The following ZDHHC12 variants were observed in gnomAD, a reference collection of about 807,000 sequenced individuals.
ZDHHC12 encodes zDHHC palmitoyltransferase 12, also known as palmitoyltransferase ZDHHC12.
A neutral mutation model predicts 33.2 loss-of-function variants in ZDHHC12; 26 were observed. That is an observed-to-expected ratio of 0.78 (90% confidence interval 0.57 to 1.09). The LOEUF is 1.09. Among genes scored for constraint, ZDHHC12 ranks in the 50% least tolerant of loss-of-function variants. The pLI is 0.00. For missense variants in ZDHHC12, 350 were observed against 353.0 expected (o/e 0.99, Z 0.07); for synonymous variants, 154 against 152.1 (o/e 1.01, Z -0.09).
chr9:128,721,139 G>A lies in ZDHHC12; in HGVS notation c.*42C>T, dbSNP rs761060755. ...CTCACCCCAGCTGGGGACAGGCCCC[G>A]TGGTTTTCAGGCACAAGACGGTAGC... On this transcript the variant is annotated 3_prime_UTR_variant, in exon 5 of 5. Coordinates refer to ENST00000372663, the MANE Select transcript of ZDHHC12 (RefSeq NM_032799.5). This position sits in a 1 kb window ranked among gnomAD's most constrained non-coding sequence, Gnocchi z 6.9. The A allele has an allele frequency of 5.2e-5, 77 of 1,493,712 alleles. No homozygotes were observed. The highest frequency in any genetic ancestry group is 6.1e-5 in the Non-Finnish European group (69 of 1,125,848). 92.5% of individuals were successfully genotyped at this position (1,493,712 alleles called of 1,614,324 possible). A position where few individuals can be genotyped will look rare whatever the true frequency, so the allele number is the denominator to read the frequency against.
In ZDHHC12 at chr9:128,723,757, G is replaced by A; in HGVS notation, c.100+237C>T. 1 of 640,600 alleles carries A rather than the reference G, an allele frequency of 1.6e-6. No individual in the cohort carries two copies. Among genetic ancestry groups the A allele is most frequent in the South Asian group, 2.3e-5 (1 of 44,218 alleles). 39.7% of individuals were successfully genotyped at this position (640,600 alleles called of 1,614,324 possible). A position where few individuals can be genotyped will look rare whatever the true frequency, so the allele number is the denominator to read the frequency against. ...GTGGGCACCGGCTGGGTCCTGGGAT[G>A]GACAGGGCATTTGGCAATGATCAGG... On this transcript the variant is annotated intron_variant, in intron 1 of 4. Transcript: ENST00000372663. The surrounding 1 kb of genome is among the most constrained non-coding windows in gnomAD (Gnocchi z 4.4).
Position 128,722,324 on chromosome 9 carries a change from G to T in ZDHHC12, c.237+114C>A. On this transcript the variant is annotated intron_variant, in intron 2 of 4. Transcript: ENST00000372663. This position sits in a 1 kb window ranked among gnomAD's most constrained non-coding sequence, Gnocchi z 4.2. ...CACTACTGTAGATGGGGCTCTAGGG[G>T]TGGCAAGAGGAGTCACTGAACTGCT... The T allele has an allele frequency of 7.6e-7, 1 of 1,314,826 alleles. No homozygotes were observed. The highest frequency in any genetic ancestry group is 1.0e-6 in the Non-Finnish European group (1 of 975,312). 81.4% of individuals were successfully genotyped at this position (1,314,826 alleles called of 1,614,324 possible).
In ZDHHC12 at chr9:128,723,994, C is replaced by T. The variant is rs1268260860; in HGVS notation, c.100G>A (p.Glu34Lys). 6.8e-6 allele frequency: 11 copies of T among 1,611,658 alleles called. No individual in the cohort carries two copies. Among genetic ancestry groups the T allele is most frequent in the Non-Finnish European group, 9.3e-6 (11 of 1,178,930 alleles). The change falls in exon 1 of 5, where the codon GAG becomes AAG. Residue 34 changes from glutamate to lysine, a missense_variant and splice_region_variant. By Grantham distance (56) the Glu-to-Lys change is moderately conservative (BLOSUM62 1). Transcript: ENST00000372663. The surrounding 1 kb of genome is among the most constrained non-coding windows in gnomAD (Gnocchi z 4.4). ...ITLVLFLHDT[E>K]LRQWEEQGEL... ...CGGGGTCGCTCGGGGTCCGGCTCAC[C>T]GGTATCGTGCAGGAAGAGCACCAGC...
At position 128,720,911 on chromosome 9, in the gene ZDHHC12, A is replaced by G; in HGVS notation, c.*270T>C. 1 of 553,998 alleles carries G rather than the reference A, an allele frequency of 1.8e-6. No individual in the cohort carries two copies. Among genetic ancestry groups the G allele is most frequent in the Non-Finnish European group, 3.2e-6 (1 of 315,660 alleles). The allele number at this position is 553,998 out of a possible 1,614,324, so 34.3% of individuals were successfully genotyped here. ...GGACTTGCTTTATATTAAATTTGTA[A>G]AAGTGTGCACTGGCAGCAGCCTGGG... On this transcript the variant is annotated 3_prime_UTR_variant, in exon 5 of 5. Coordinates refer to ENST00000372663, the MANE Select transcript of ZDHHC12 (RefSeq NM_032799.5). The surrounding 1 kb of genome is among the most constrained non-coding windows in gnomAD (Gnocchi z 5.5).
In ZDHHC12 at chr9:128,722,235, C is replaced by A. The variant is rs1862585563; in HGVS notation, c.238-149G>T. ...GAGGTGTGGGGTATGGCGGAGCACCCTGGACTGAGGGCGGCTGTGTATGTT... is the reference window on the plus strand; with the variant it reads ...GAGGTGTGGGGTATGGCGGAGCACCATGGACTGAGGGCGGCTGTGTATGTT... On this transcript the variant is annotated intron_variant, in intron 2 of 4. Coordinates refer to ENST00000372663, the MANE Select transcript of ZDHHC12 (RefSeq NM_032799.5). The surrounding 1 kb of genome is among the most constrained non-coding windows in gnomAD (Gnocchi z 4.2). 6.1e-6 allele frequency: 7 copies of A among 1,155,086 alleles called. No homozygotes were observed. Among genetic ancestry groups the A allele is most frequent in the African/African-American group, 3.1e-5 (2 of 64,992 alleles). 71.6% of individuals were successfully genotyped at this position (1,155,086 alleles called of 1,614,324 possible).
Position 128,722,640 on chromosome 9 carries a change from C to A in ZDHHC12, c.101-66G>T. ...AACAGGAGTGGGTGGGGTTGGGGTG[C>A]AGTTGGAGGTGGGGAAGTGTGTTCC... is the stretch of plus-strand genomic sequence containing the variant. On this transcript the variant is annotated intron_variant, in intron 1 of 4. Transcript: ENST00000372663. The surrounding 1 kb of genome is among the most constrained non-coding windows in gnomAD (Gnocchi z 4.2). 6.4e-7 allele frequency: 1 copy of A among 1,550,748 alleles called. No homozygotes were observed. Among genetic ancestry groups the A allele is most frequent in the Non-Finnish European group, 8.7e-7 (1 of 1,146,318 alleles).
At position 128,722,099 on chromosome 9, in the gene ZDHHC12, G is replaced by T. The variant is rs1862580056; in HGVS notation, c.238-13C>A. ...CTTTGAGCTCCTCCTGGAATGAGGG[G>T]TGGGGTGTAAGACAGGGTCCCCTTG... On this transcript the variant is annotated splice_polypyrimidine_tract_variant and intron_variant, in intron 2 of 4. Coordinates refer to ENST00000372663, the MANE Select transcript of ZDHHC12 (RefSeq NM_032799.5). The surrounding 1 kb of genome is among the most constrained non-coding windows in gnomAD (Gnocchi z 4.2). 1 of 1,613,840 alleles carries T rather than the reference G, an allele frequency of 6.2e-7. No individual in the cohort carries two copies. Among genetic ancestry groups the T allele is most frequent in the South Asian group, 1.1e-5 (1 of 91,090 alleles).
rs748862639 is a variant in ZDHHC12, at chr9:128,724,071, C to T, written c.23G>A (p.Ser8Asn). 2.5e-6 allele frequency: 4 copies of T among 1,597,462 alleles called. No individual in the cohort carries two copies. The highest frequency in any genetic ancestry group is 2.7e-5 in the African/African-American group (2 of 74,380). ...CCCGGTCCGCACCAGGACCCCAGGG[C>T]TGAGGAGCGCCCAGGGCGCCATCGC... Reference protein sequence around the residue: MAPWALLSPGVLVRTGHT... With the variant: MAPWALLNPGVLVRTGHT... Residue 8 changes from serine (S) to asparagine (N), a missense_variant, in exon 1 of 5, where the codon AGC becomes AAC. Transcript: ENST00000372663.
rs763017127 is a variant in ZDHHC12, at chr9:128,723,912, G to C, written c.100+82C>G. The C allele has an allele frequency of 6.5e-7, 1 of 1,532,470 alleles. No homozygotes were observed. The highest frequency in any genetic ancestry group is 1.2e-5 in the South Asian group (1 of 83,072). The allele number at this position is 1,532,470 out of a possible 1,614,324, so 94.9% of individuals were successfully genotyped here. On this transcript the variant is annotated intron_variant, in intron 1 of 4. Transcript: ENST00000372663. The surrounding 1 kb of genome is among the most constrained non-coding windows in gnomAD (Gnocchi z 4.4). ...CCAATCCCAGGATCTCCAGGGATTA[G>C]GCGGGAGACCCAGTGTGACCAGAAC...
At position 128,723,969 on chromosome 9, in the gene ZDHHC12, C is replaced by G. The variant is rs926458183; in HGVS notation, c.100+25G>C. The G allele has an allele frequency of 2.5e-6, 4 of 1,604,040 alleles. No homozygotes were observed. Among genetic ancestry groups the G allele is most frequent in the Admixed American group, 1.7e-5 (1 of 58,864 alleles). The stretch of plus-strand genomic sequence containing the variant: ...GGAAGTACGCGGGATCGGGTGGGTC[C>G]GGGGTCGCTCGGGGTCCGGCTCACC... On this transcript the variant is annotated intron_variant, in intron 1 of 4. Transcript: ENST00000372663. This position sits in a 1 kb window ranked among gnomAD's most constrained non-coding sequence, Gnocchi z 4.4.
In ZDHHC12 at chr9:128,721,776, GC is replaced by G; in HGVS notation, c.356del (p.Cys119SerfsTer117). 1 of 1,613,498 alleles carries G rather than the reference GC, an allele frequency of 6.2e-7. No individual in the cohort carries two copies. On this transcript the variant is annotated frameshift_variant, in exon 4 of 5. Transcript: ENST00000372663. LOFTEE classifies it high-confidence loss of function. The surrounding 1 kb of genome is among the most constrained non-coding windows in gnomAD (Gnocchi z 6.9). ...RARHCRECRRCVRRYDHHCPW... is the reference protein window; with the variant it reads ...RARHCRECRRXVRRYDHHCPW... Reference sequence around the variant, plus strand: ...GGCAGTGGTGGTCGTAGCGGCGGACGCAACGGCGGCACTCACGGCAGTGCCG... The same window carrying G: ...GGCAGTGGTGGTCGTAGCGGCGGACGAACGGCGGCACTCACGGCAGTGCCG...
rs1287918318 is a variant in ZDHHC12, at chr9:128,722,187, T to G, written c.238-101A>C. ...CCGGCTTAGCTCTGGGTATGGAGTT[T>G]GGGACCCATCCCATGCAGAATGGAG... On this transcript the variant is annotated intron_variant, in intron 2 of 4. Transcript: ENST00000372663. This position sits in a 1 kb window ranked among gnomAD's most constrained non-coding sequence, Gnocchi z 4.2. 3 of 1,427,432 alleles carry G rather than the reference T, an allele frequency of 2.1e-6. No individual in the cohort carries two copies. Among genetic ancestry groups the G allele is most frequent in the Non-Finnish European group, 2.9e-6 (3 of 1,022,572 alleles). The allele number at this position is 1,427,432 out of a possible 1,614,324, so 88.4% of individuals were successfully genotyped here.
In ZDHHC12 at chr9:128,721,939, G is replaced by T; in HGVS notation, c.315+70C>A. 6.2e-7 allele frequency: 1 copy of T among 1,608,776 alleles called. No individual in the cohort carries two copies. Among genetic ancestry groups the T allele is most frequent in the Non-Finnish European group, 8.5e-7 (1 of 1,176,170 alleles). ...GGAGGAGGGGCGAGGCCCAGGCAGT[G>T]GGGCAGGAGGAGGTCGAGGAGTCTC... On this transcript the variant is annotated intron_variant, in intron 3 of 4. Transcript: ENST00000372663. The surrounding 1 kb of genome is among the most constrained non-coding windows in gnomAD (Gnocchi z 6.9).
Position 128,721,943 on chromosome 9 carries a change from CAGG to C in ZDHHC12, c.315+63_315+65del. 1 of 1,610,684 alleles carries C rather than the reference CAGG, an allele frequency of 6.2e-7. No homozygotes were observed. Among genetic ancestry groups the C allele is most frequent in the Non-Finnish European group, 8.5e-7 (1 of 1,177,858 alleles). ...GAGGGGCGAGGCCCAGGCAGTGGGG[CAGG>C]AGGAGGTCGAGGAGTCTCAGCTTTG... is the stretch of plus-strand genomic sequence containing the variant. On this transcript the variant is annotated intron_variant, in intron 3 of 4. Transcript: ENST00000372663. This position sits in a 1 kb window ranked among gnomAD's most constrained non-coding sequence, Gnocchi z 6.9.
rs1480579536 is a variant in ZDHHC12, at chr9:128,721,559, C to T, written c.483-57G>A. ...GGGGAGGGCAGGGGAGCCCTTCCCT[C>T]CCCATGCCGGGTCCCTGGGAGTCCT... is the stretch of plus-strand genomic sequence containing the variant. On this transcript the variant is annotated intron_variant, in intron 4 of 4. Transcript: ENST00000372663. This position sits in a 1 kb window ranked among gnomAD's most constrained non-coding sequence, Gnocchi z 6.9. 1.9e-6 allele frequency: 3 copies of T among 1,588,370 alleles called. No individual in the cohort carries two copies. Among genetic ancestry groups the T allele is most frequent in the Non-Finnish European group, 2.6e-6 (3 of 1,164,774 alleles).
rs1210244734 is a variant in ZDHHC12 at position 128,721,555 on chromosome 9, C to T, written c.483-53G>A. 1.3e-6 allele frequency: 2 copies of T among 1,588,482 alleles called. No homozygotes were observed. Among genetic ancestry groups the T allele is most frequent in the South Asian group, 1.1e-5 (1 of 88,288 alleles). On this transcript the variant is annotated intron_variant, in intron 4 of 4. Coordinates refer to ENST00000372663, the MANE Select transcript of ZDHHC12 (RefSeq NM_032799.5). This position sits in a 1 kb window ranked among gnomAD's most constrained non-coding sequence, Gnocchi z 6.9. ...GCTGGGGGAGGGCAGGGGAGCCCTTCCCTCCCCATGCCGGGTCCCTGGGAG... is the reference window on the plus strand; with the variant it reads ...GCTGGGGGAGGGCAGGGGAGCCCTTTCCTCCCCATGCCGGGTCCCTGGGAG...
rs753201772 is a variant in ZDHHC12, at chr9:128,724,097, C to T, written c.-4G>A. ...TGAGGAGCGCCCAGGGCGCCATCGC[C>T]TCGGCCCGGGGCCCCACCCGGAAGA... is the stretch of plus-strand genomic sequence containing the variant. On this transcript the variant is annotated 5_prime_UTR_variant, in exon 1 of 5. Transcript: ENST00000372663. 6.4e-7 allele frequency: 1 copy of T among 1,564,688 alleles called. No homozygotes were observed. The highest frequency in any genetic ancestry group is 8.7e-7 in the Non-Finnish European group (1 of 1,151,816).
In ZDHHC12 at chr9:128,722,410, G is replaced by T; in HGVS notation, c.237+28C>A. 1 of 1,472,424 alleles carries T rather than the reference G, an allele frequency of 6.8e-7. No homozygotes were observed. Among genetic ancestry groups the T allele is most frequent in the Non-Finnish European group, 9.0e-7 (1 of 1,108,858 alleles). 91.2% of individuals were successfully genotyped at this position (1,472,424 alleles called of 1,614,324 possible). ...GACTGGTGCTGGTTGTTAGGTCCCTGTTGGTGAGAGTAGGGGCCCCTGGTT... is the reference window on the plus strand; with the variant it reads ...GACTGGTGCTGGTTGTTAGGTCCCTTTTGGTGAGAGTAGGGGCCCCTGGTT... On this transcript the variant is annotated intron_variant, in intron 2 of 4. Transcript: ENST00000372663. This position sits in a 1 kb window ranked among gnomAD's most constrained non-coding sequence, Gnocchi z 4.2.
chr9:128,721,292 G>A lies in ZDHHC12; in HGVS notation c.693C>T (p.Phe231=), dbSNP rs756883240. Residue 231 remains phenylalanine, a synonymous_variant, in exon 5 of 5, where the codon TTC becomes TTT. Coordinates refer to ENST00000372663, the MANE Select transcript of ZDHHC12 (RefSeq NM_032799.5). This position sits in a 1 kb window ranked among gnomAD's most constrained non-coding sequence, Gnocchi z 6.9. ...AYLRQRPSNP[F]DRGLTRNLAH... ...CCAGGTTGCGGGTCAGGCCTCGGTC[G>A]AAGGGGTTGCTGGGGCGCTGGCGGA... 1.7e-5 allele frequency: 27 copies of A among 1,597,102 alleles called. No homozygotes were observed. Among genetic ancestry groups the A allele is most frequent in the Non-Finnish European group, 2.1e-5 (25 of 1,171,892 alleles).
Sources: gnomAD v4.1 joint callset for allele counts on GRCh38, gnomAD v4.1.1 for gene constraint, Gnocchi (gnomAD v3.1) non-coding constraint, MANE v1.5 for transcripts, NCBI Gene and HGNC (gene_info 2026-07-23, HGNC 2026-07-21) for gene names.